The following ATP2B2 variants were observed in gnomAD, a reference collection of about 807,000 sequenced individuals.
ATP2B2 encodes the protein plasma membrane calcium-transporting ATPase 2.
ATP2B2 carries 15 observed loss-of-function variants against 120.0 expected under a neutral mutation model. The observed-to-expected ratio is 0.12, with a 90% CI of 0.08 to 0.19. The LOEUF (loss-of-function observed/expected upper bound fraction) is 0.19. ATP2B2 is among the 10% of genes least tolerant of loss of function. The pLI, the probability that ATP2B2 is intolerant of heterozygous loss-of-function variation, is 1.00. For missense variants in ATP2B2, 1,045 were observed against 1,719.8 expected, an observed-to-expected ratio of 0.61 and a Z score of 6.94; for synonymous variants, 694 against 700.3, an observed-to-expected ratio of 0.99 and a Z score of 0.14.
chr3:10,679,108 A>AC (rs1307093704), intron 1 of ATP2B2, among the ~76,000 whole-genome samples: 1 of 152,026 alleles, frequency 6.6e-6, no homozygotes, highest in African/African-American at 2.4e-5. Context: ...TTTGCCACCA[A>AC]CCATGTGAGC....
chr3:10,616,813 A>G (rs1450602608), intron 2 of ATP2B2, among the ~76,000 whole-genome samples: 2 of 152,166 alleles, frequency 1.3e-5, no homozygotes, highest in Non-Finnish European at 2.9e-5. Flanking sequence ...ACAAAGAAAA[A>G]AACAAGTCAC....
intron 2 of ATP2B2, among the ~76,000 whole-genome samples, chr3:10,582,788 T>C (rs564990085): frequency 6.6e-6 from 1 of 152,298 alleles, no homozygotes; most frequent in Non-Finnish European, 1.5e-5. Context: ...GAGGACTGTC[T>C]GGGAGTCAGA....
intron 2 of ATP2B2, among the ~76,000 whole-genome samples, chr3:10,441,511 A>G (rs1189021561): frequency 6.6e-6 from 1 of 152,130 alleles, no homozygotes; most frequent in African/African-American, 2.4e-5. Flanking sequence ...AAGTGCTGGG[A>G]TTACTGGTGC....
intron 1 of ATP2B2, among the ~76,000 whole-genome samples, chr3:10,622,495 T>C (rs890136006): frequency 6.6e-6 from 1 of 151,796 alleles, no homozygotes; most frequent in Admixed American, 6.6e-5. Flanking sequence ...ATTGGAAAAA[T>C]CCCCTGACTT....
In ATP2B2 at chr3:10,383,905, C is replaced by T. The variant is rs1274966229; in HGVS notation, c.1000+1363G>A. 1.3e-5 allele frequency among the ~76,000 whole-genome samples: 2 copies of T among 152,196 alleles called. 1 individual carries two copies. Among genetic ancestry groups the T allele is most frequent in the Non-Finnish European group, 2.9e-5 (2 of 68,038 alleles). ...GGGTCTGTATGTTCACAAAGCTCAG[C>T]AGGCTCACTGCCGGGGTGAAGTGGG... On this transcript the variant is annotated intron_variant, in intron 8 of 22. Coordinates refer to ENST00000360273, the MANE Select transcript of ATP2B2 (RefSeq NM_001001331.4).
In ATP2B2 at chr3:10,332,200, C is replaced by A. The variant is rs2059999617; in HGVS notation, c.3421-3075G>T. The stretch of plus-strand genomic sequence containing the variant: ...CCTTTTTGTTGTCTTCATTTCTCCC[C>A]CTAACAGTGCAAACTCCTTGCCCTA... On this transcript the variant is annotated intron_variant, in intron 22 of 22. Transcript: ENST00000360273. 2.5e-5 allele frequency: 17 copies of A among 670,284 alleles called. No homozygotes were observed. In the East Asian group the frequency reaches 4.7e-4, roughly 18 times the overall value. The allele number at this position is 670,284 out of a possible 1,614,324, so 41.5% of individuals were successfully genotyped here. A position where few individuals can be genotyped will look rare whatever the true frequency, so the allele number is the denominator to read the frequency against.
intron 1 of ATP2B2, among the ~76,000 whole-genome samples, chr3:10,661,702 T>C (rs1333920013): frequency 6.6e-6 from 1 of 152,152 alleles, no homozygotes; most frequent in Non-Finnish European, 1.5e-5. Context: ...TCCATGCCAT[T>C]CCTATCAAGC....
At chr3:10,420,118 G>A (rs1575174720) in intron 2 of ATP2B2, among the ~76,000 whole-genome samples, 1 of 152,214 alleles carries the variant, frequency 6.6e-6, no homozygotes, top group African/African-American at 2.4e-5. Flanking sequence ...GTGCAGACGC[G>A]GGCACACAAA....
chr3:10,360,102 G>C lies in ATP2B2; in HGVS notation c.1681C>G (p.Leu561Val). The change falls in exon 13 of 23, where the codon CTG becomes GTG. Residue 561 changes from leucine (L) to valine (V), a missense_variant. Physicochemically the swap from Leu to Val is conservative, Grantham distance 32. Around this residue, in one of 11 missense-constraint regions of ATP2B2, gnomAD observed 343 missense variants for 536.8 expected, o/e 0.64. Coordinates refer to ENST00000360273, the MANE Select transcript of ATP2B2 (RefSeq NM_001001331.4). ...KILPPEKEGA[L>V]PRQVGNKTEC... Reference sequence around the variant, plus strand: ...GTCTTGTTGCCCACCTGCCGAGGCAGGGCGCCCTCCTTCTCTGGGGGCTGC... The same window carrying C: ...GTCTTGTTGCCCACCTGCCGAGGCACGGCGCCCTCCTTCTCTGGGGGCTGC... The C allele has an allele frequency of 6.2e-7, 1 of 1,600,772 alleles. No individual in the cohort carries two copies. The highest frequency in any genetic ancestry group is 8.5e-7 in the Non-Finnish European group (1 of 1,170,288).
In ATP2B2 at chr3:10,350,217, AGGGGGCGGGTCGGT is replaced by A; in HGVS notation, c.2317-32_2317-19del. The A allele has an allele frequency of 2.5e-6, 1 of 395,498 alleles. No homozygotes were observed. The highest frequency in any genetic ancestry group is 4.4e-6 in the Non-Finnish European group (1 of 225,914). 24.5% of individuals were successfully genotyped at this position (395,498 alleles called of 1,614,324 possible). On this transcript the variant is annotated intron_variant, in intron 15 of 22. Coordinates refer to ENST00000360273, the MANE Select transcript of ATP2B2 (RefSeq NM_001001331.4). ...TGCTCAATCTGGAGAGGGATGGGGA[AGGGGGCGGGTCGGT>A]GGGGTCGGGGAGAGAAACTGAGGCC...
intron 1 of ATP2B2, among the ~76,000 whole-genome samples, chr3:10,667,492 C>T (rs971007182): frequency 3.9e-5 from 6 of 152,236 alleles, no homozygotes; most frequent in African/African-American, 7.2e-5. Flanking sequence ...TTCCCGCACT[C>T]GGCGTGTCAG....
intron 5 of ATP2B2, among the ~76,000 whole-genome samples, chr3:10,400,467 A>T (rs577386657): frequency 6.6e-6 from 1 of 152,118 alleles, no homozygotes; most frequent in East Asian, 1.9e-4. Context: ...TTCTTCACAC[A>T]CTTCTCTGCT....
Position 10,371,844 on chromosome 3 carries a change from T to C in ATP2B2, c.1624A>G (p.Ile542Val), listed in dbSNP as rs1401047704. 6.2e-7 allele frequency: 1 copy of C among 1,614,178 alleles called. No individual in the cohort carries two copies. The highest frequency in any genetic ancestry group is 1.1e-5 in the South Asian group (1 of 91,068). ...TKTMELLINA[I>V]AINSAYTTKI... is the part of the protein sequence containing the mutation. ...GTGGTGTAGGCGCTGTTGATGGCGA[T>C]GGCATTGATCAGCAGCTCCATGGTC... The change falls in exon 12 of 23, where the codon ATC (isoleucine) becomes GTC (valine). Residue 542 changes from isoleucine (I) to valine (V), a missense_variant. By Grantham distance (29) the Ile-to-Val change is conservative (BLOSUM62 3). Around this residue, in one of 11 missense-constraint regions of ATP2B2, gnomAD observed 343 missense variants for 536.8 expected, o/e 0.64. Transcript: ENST00000360273.
intron 3 of ATP2B2, among the ~76,000 whole-genome samples, chr3:10,532,927 TCA>T (rs1168721906): frequency 6.6e-6 from 1 of 152,192 alleles, no homozygotes; most frequent in Non-Finnish European, 1.5e-5. Context: ...TCTCTGGGCA[TCA>T]GTTTTCTCAT....
intron 1 of ATP2B2, among the ~76,000 whole-genome samples, chr3:10,492,891 G>A (rs1286507138): frequency 1.3e-5 from 2 of 152,180 alleles, no homozygotes; most frequent in African/African-American, 4.8e-5. Flanking sequence ...TGCCACCCAG[G>A]ATGGCTTTCA....
At position 10,512,509 on chromosome 3, in the gene ATP2B2, C is replaced by T. The variant is rs1321200157; in HGVS notation, c.-320+21530G>A. 2.2e-5 allele frequency among the ~76,000 whole-genome samples: 3 copies of T among 134,922 alleles called. No individual in the cohort carries two copies. The East Asian group carries it at 6.8e-4, about 30-fold the overall frequency. The allele number at this position is 134,922 out of a possible 152,430, so 88.5% of individuals were successfully genotyped here. On this transcript the variant is annotated intron_variant, in intron 3 of 21. Coordinates refer to the ATP2B2 transcript ENST00000646379. Reference sequence around the variant, plus strand: ...ACACACACACACACACACACACACACACACACACTGTCTGCCCCCAACAGT... The same window carrying T: ...ACACACACACACACACACACACACATACACACACTGTCTGCCCCCAACAGT...
At chr3:10,552,522 C>T (rs2067692124) in intron 2 of ATP2B2, among the ~76,000 whole-genome samples, 1 of 152,234 alleles carries the variant, frequency 6.6e-6, no homozygotes, top group Non-Finnish European at 1.5e-5. Context: ...TACTTAACAT[C>T]AGAAAGGCAA....
chr3:10,412,617 T>C (rs2062650145), intron 2 of ATP2B2, among the ~76,000 whole-genome samples: 1 of 152,162 alleles, frequency 6.6e-6, no homozygotes, highest in East Asian at 1.9e-4. Flanking sequence ...AGTGGCCCTC[T>C]GCCTTTACTT....
In ATP2B2 at chr3:10,449,614, G is replaced by T. The variant is rs2063963744; in HGVS notation, c.-71C>A. 5 of 1,573,902 alleles carry T rather than the reference G, an allele frequency of 3.2e-6. No homozygotes were observed. The highest frequency in any genetic ancestry group is 4.4e-6 in the Non-Finnish European group (5 of 1,145,532). ...GACAAGAGGCTGCCGGGTGATGGCT[G>T]CTTGTGGCTGTCCTCAGCACACCCT... On this transcript the variant is annotated 5_prime_UTR_variant, in exon 2 of 23. Transcript: ENST00000360273.
Sources: allele counts gnomAD v4.1 joint callset (sites outside exome capture counted in the v4.1 genomes callset), GRCh38; gene constraint gnomAD v4.1.1; regional missense constraint gnomAD v4.1.1; transcripts MANE v1.5; gene names NCBI Gene and HGNC (gene_info 2026-07-23, HGNC 2026-07-21).